The following KARS1 variants were observed in gnomAD, a reference collection of about 807,000 sequenced individuals.
KARS1 encodes the protein lysine--tRNA ligase.
KARS1 carries 50 observed loss-of-function variants against 63.9 expected under a neutral mutation model. The observed-to-expected ratio is 0.78, with a 90% CI of 0.62 to 0.99. The LOEUF (loss-of-function observed/expected upper bound fraction) is 0.99. Among genes scored for constraint, KARS1 ranks in the 50% least tolerant of loss-of-function variants. KARS1 has a pLI of 0.00. For synonymous variants in KARS1, 320 were observed against 264.6 expected (o/e 1.21, Z -2.03); for missense variants, 816 against 754.5 (o/e 1.08, Z -0.95).
chr16:75,641,324 T>A (rs552763020), intron 2 of KARS1, among the ~76,000 whole-genome samples: 1 of 152,280 alleles, frequency 6.6e-6, no homozygotes, highest in Admixed American at 6.5e-5. Context: ...AAGGTCAAGC[T>A]AATTCCAAGG....
chr16:75,636,181 T>C (rs1285356427), intron 4 of KARS1, 83 bp from the exon 5 acceptor site: 2 of 862,930 alleles, frequency 2.3e-6, no homozygotes, highest in Admixed American at 2.0e-5. Flanking sequence ...CTCACTCAAC[T>C]GTTAATACCT....
At position 75,635,860 on chromosome 16, in the gene KARS1, T is replaced by C. The variant is rs553641161; in HGVS notation, c.669+52A>G. The C allele has an allele frequency of 4.3e-6, 7 of 1,614,108 alleles. No individual in the cohort carries two copies. In the African/African-American group the frequency reaches 6.7e-5, roughly 15 times the overall value. ...TGGTATGTCTGATCCAAAGGTATGA[T>C]AAAACAAACAGAAAGCTAGGAGGCC... On this transcript the variant is annotated intron_variant, in intron 5 of 13. Transcript: ENST00000302445.
intron 13 of KARS1, 146 bp from the exon 14 acceptor site, chr16:75,628,139 A>G (rs1279013153): frequency 2.9e-6 from 2 of 698,156 alleles, no homozygotes; most frequent in Non-Finnish European, 5.3e-6. Context: ...GTGTTCTTTT[A>G]TTTCAACTCA....
Position 75,631,598 on chromosome 16 carries a change from G to A in KARS1, c.1079-9C>T, listed in dbSNP as rs2151802126. 2 of 1,614,132 alleles carry A rather than the reference G, an allele frequency of 1.2e-6. No individual in the cohort carries two copies. Among genetic ancestry groups the A allele is most frequent in the Non-Finnish European group, 1.7e-6 (2 of 1,180,002 alleles). The stretch of plus-strand genomic sequence containing the variant: ...AATATGCTTCACCATCCCTGGGAGA[G>A]AAACCTGTTATTTAGCGGGAATGAA... On this transcript the variant is annotated splice_polypyrimidine_tract_variant and intron_variant, in intron 8 of 13. Transcript: ENST00000302445.
In KARS1 at chr16:75,636,027, T is replaced by G. The variant is rs1567501335; in HGVS notation, c.554A>C (p.Gln185Pro). Residue 185 changes from glutamine (Q) to proline (P), a missense_variant, in exon 5 of 14, where the codon CAG (glutamine) becomes CCG (proline). Coordinates refer to ENST00000302445, the MANE Select transcript of KARS1 (RefSeq NM_005548.3). Reference protein sequence around the residue: ...KLRRGDIIGVQGNPGKTKKGE... With the variant: ...KLRRGDIIGVPGNPGKTKKGE... ...CTTCTTGGTTTTACCAGGATTCCCCTGAACTCCAATTATGTCTCCCCGACG... is the reference window on the plus strand; with the variant it reads ...CTTCTTGGTTTTACCAGGATTCCCCGGAACTCCAATTATGTCTCCCCGACG... 6.2e-7 allele frequency: 1 copy of G among 1,611,714 alleles called. No individual in the cohort carries two copies. The highest frequency in any genetic ancestry group is 8.5e-7 in the Non-Finnish European group (1 of 1,177,810).
chr16:75,630,316 C>T, intron 11 of KARS1, 107 bp downstream of exon 11: 1 of 750,506 alleles, frequency 1.3e-6, no homozygotes, highest in Admixed American at 2.0e-5. Flanking sequence ...CTGGTCAACA[C>T]CACCCAGCAG....
intron 1 of KARS1, among the ~76,000 whole-genome samples, chr16:75,645,455 G>A (rs1327507449): frequency 6.6e-6 from 1 of 152,182 alleles, no homozygotes; most frequent in Admixed American, 6.5e-5. Flanking sequence ...CCTCTTGCAA[G>A]GTTATTACTG....
At chr16:75,636,353 C>T in intron 4 of KARS1, 101 bp downstream of exon 4, 1 of 892,482 alleles carries the variant, frequency 1.1e-6, no homozygotes. Context: ...TGTCCCACTC[C>T]TTCTTACTCT....
rs746531354 is a variant in KARS1 at position 75,640,322 on chromosome 16, T to C, written c.250A>G (p.Ile84Val). 40 of 1,613,068 alleles carry C rather than the reference T, an allele frequency of 2.5e-5. No individual in the cohort carries two copies. The highest frequency in any genetic ancestry group is 3.4e-4 in the Middle Eastern group (2 of 5,876). Residue 84 changes from isoleucine (I) to valine (V), a missense_variant, in exon 3 of 14, where the codon ATT becomes GTT. Ile to Val is a conservative substitution (Grantham distance 29). Coordinates refer to ENST00000302445, the MANE Select transcript of KARS1 (RefSeq NM_005548.3). The part of the protein sequence containing the change: ...NQYYKIRSQA[I>V]HQLKVNGEDP... ...TCCCCATTGACCTTCAGCTGATGAA[T>C]TGCTTGACTGCGGATTTTGTAGTAT...
chr16:75,635,581 A>C, intron 6 of KARS1, 99 bp downstream of exon 6: 2 of 1,337,794 alleles, frequency 1.5e-6, no homozygotes, highest in Non-Finnish European at 2.1e-6. Flanking sequence ...GGCATGAAGG[A>C]TCCTGACACA....
Position 75,640,209 on chromosome 16 carries a change from C to T in KARS1, c.363G>A (p.Leu121=), listed in dbSNP as rs780667483. The change falls in exon 3 of 14, where the codon CTG becomes CTA. Residue 121 remains leucine, a synonymous_variant. Coordinates refer to ENST00000302445, the MANE Select transcript of KARS1 (RefSeq NM_005548.3). ...KYSHLQPGDH[L]TDITLKVAGR... is the part of the protein sequence containing the mutation. ...CTGCCACCTTTAAGGTGATGTCAGT[C>T]AGGTGATCCCCAGGCTGCAGGTGAC... The T allele has an allele frequency of 2.9e-5, 47 of 1,614,034 alleles. No individual in the cohort carries two copies. Among genetic ancestry groups the T allele is most frequent in the Non-Finnish European group, 3.6e-5 (43 of 1,180,022 alleles).
intron 1 of KARS1, 148 bp downstream of exon 1, chr16:75,647,430 A>T (rs2082300220): frequency 1.3e-6 from 1 of 784,158 alleles, no homozygotes. Flanking sequence ...CGTGGTCTGC[A>T]GGGCGCAGCC....
chr16:75,645,170 T>C (rs1465255826), intron 1 of KARS1, among the ~76,000 whole-genome samples: 1 of 152,054 alleles, frequency 6.6e-6, no homozygotes, highest in Non-Finnish European at 1.5e-5. Context: ...ACCAAGGAAT[T>C]CCCCAGAACA....
chr16:75,639,236 C>G (rs2082196442), intron 3 of KARS1, among the ~76,000 whole-genome samples: 2 of 152,062 alleles, frequency 1.3e-5, no homozygotes, highest in Non-Finnish European at 2.9e-5. Flanking sequence ...TCAGAGCACA[C>G]TGTGTATCTG....
chr16:75,636,483 C>T lies in KARS1; in HGVS notation c.453G>A (p.Gly151=), dbSNP rs771368058. The change falls in exon 4 of 14, where the codon GGG becomes GGA. Residue 151 remains glycine, a synonymous_variant. Coordinates refer to ENST00000302445, the MANE Select transcript of KARS1 (RefSeq NM_005548.3). ...AATTGGCCATGACTTGCAACTTCAC[C>T]CCCTCTCCTCGAAGATCATAGAAGA... is the stretch of plus-strand genomic sequence containing the variant. ...KLIFYDLRGE[G]VKLQVMANSR... 2 of 1,613,090 alleles carry T rather than the reference C, an allele frequency of 1.2e-6. No individual in the cohort carries two copies. The highest frequency in any genetic ancestry group is 1.1e-5 in the South Asian group (1 of 91,082).
intron 6 of KARS1, chr16:75,635,370 G>C (rs1238490326): frequency 2.9e-6 from 1 of 350,774 alleles, no homozygotes; most frequent in Non-Finnish European, 5.5e-6. Context: ...TATGGTACGT[G>C]TGTTTGCCTT....
intron 7 of KARS1, 130 bp from the exon 8 acceptor site, chr16:75,631,985 T>G (rs984007435): frequency 1.9e-6 from 2 of 1,060,718 alleles, no homozygotes; most frequent in African/African-American, 3.1e-5. Flanking sequence ...CCTCCTAGGT[T>G]CAAGCAATTC....
intron 1 of KARS1, among the ~76,000 whole-genome samples, chr16:75,645,377 T>C (rs976276550): frequency 6.6e-6 from 1 of 152,228 alleles, no homozygotes; most frequent in African/African-American, 2.4e-5. Flanking sequence ...ATTTTAGGAA[T>C]GCACACTTTA....
At chr16:75,644,572 T>G (rs1350248999) in intron 1 of KARS1, 1 of 678,818 alleles carries the variant, frequency 1.5e-6, no homozygotes, top group African/African-American at 1.8e-5. Context: ...TACCTTTTAG[T>G]CCCATTTAAC....
Sources: allele counts gnomAD v4.1 joint callset (sites outside exome capture counted in the v4.1 genomes callset), GRCh38; gene constraint gnomAD v4.1.1; transcripts MANE v1.5; gene names NCBI Gene and HGNC (gene_info 2026-07-23, HGNC 2026-07-21).